The following COMMD1 variants were observed in gnomAD, a reference collection of about 807,000 sequenced individuals.
COMMD1 encodes COMM domain-containing protein 1.
In COMMD1, 10 loss-of-function variants were observed where a neutral mutation model predicts 17.2. The observed-to-expected ratio is 0.58, with a 90% CI of 0.36 to 0.99. The LOEUF (loss-of-function observed/expected upper bound fraction) is 0.99. Among genes scored for constraint, COMMD1 ranks in the 50% least tolerant of loss-of-function variants. COMMD1 has a pLI of 0.01. For synonymous variants in COMMD1, 97 were observed against 91.6 expected, an observed-to-expected ratio of 1.06 and a Z score of -0.34; for missense variants, 270 against 231.8, an observed-to-expected ratio of 1.17 and a Z score of -1.07.
chr2:62,121,371 CAAAAAAAAAAA>C (rs55789110), intron 2 of COMMD1, among the ~76,000 whole-genome samples: 2 of 47,230 alleles, frequency 4.2e-5, no homozygotes, highest in Admixed American at 3.4e-4. Flanking sequence ...GACTCTTTCT[CAAAAAAAAAAA>C]AAAAAAAAAA....
chr2:62,006,150 A>T (rs1311550942), intron 2 of COMMD1, among the ~76,000 whole-genome samples: 1 of 133,928 alleles, frequency 7.5e-6, no homozygotes, highest in Non-Finnish European at 1.6e-5. Flanking sequence ...AACAATGAGA[A>T]CACATGGACA....
chr2:61,982,359 T>C (rs11686279), intron 1 of COMMD1, among the ~76,000 whole-genome samples: 16,729 of 152,226 alleles, frequency 0.11, 2,165 homozygotes, highest in African/African-American at 0.31. Flanking sequence ...GCAACTTTAC[T>C]GAATGTATCA....
intron 1 of COMMD1, among the ~76,000 whole-genome samples, chr2:61,910,809 C>T (rs1331782218): frequency 6.6e-6 from 1 of 152,128 alleles, no homozygotes; most frequent in Non-Finnish European, 1.5e-5. Flanking sequence ...TTAGGCCGGG[C>T]GCCACGGCTC....
intron 2 of COMMD1, among the ~76,000 whole-genome samples, chr2:62,023,732 G>A (rs1157694304): frequency 2.0e-5 from 3 of 152,150 alleles, no homozygotes; most frequent in African/African-American, 7.2e-5. Context: ...TGTTCCGCCC[G>A]CCTTGGCCTC....
intron 1 of COMMD1, among the ~76,000 whole-genome samples, chr2:61,966,250 A>G (rs1671502096): frequency 6.6e-6 from 1 of 152,142 alleles, no homozygotes; most frequent in Non-Finnish European, 1.5e-5. Context: ...AGGCCATTAC[A>G]GCATTCAGTA....
intron 2 of COMMD1, among the ~76,000 whole-genome samples, chr2:62,011,063 G>T (rs1385142787): frequency 6.6e-6 from 1 of 151,976 alleles, no homozygotes; most frequent in Non-Finnish European, 1.5e-5. Context: ...ACTTGCTCTT[G>T]CCTCTTTCTC....
intron 2 of COMMD1, among the ~76,000 whole-genome samples, chr2:62,043,899 C>G (rs770407918): frequency 2.2e-4 from 33 of 152,098 alleles, no homozygotes; most frequent in Non-Finnish European, 4.3e-4. Flanking sequence ...TTTCCTGATG[C>G]TATGTCAGTT....
At chr2:62,068,587 G>T (rs1391877199) in intron 2 of COMMD1, among the ~76,000 whole-genome samples, 1 of 151,042 alleles carries the variant, frequency 6.6e-6, no homozygotes, top group Non-Finnish European at 1.5e-5. Context: ...GGGAAGGAAG[G>T]TGCAGGGGCT....
intron 2 of COMMD1, among the ~76,000 whole-genome samples, chr2:62,041,889 A>T (rs563776586): frequency 3.7e-4 from 56 of 152,336 alleles, no homozygotes; most frequent in Admixed American, 1.6e-3. Context: ...GGCGATGCAG[A>T]CCCAAAGAGT....
chr2:61,889,629 A>G (rs1176407876), intron 1 of COMMD1, among the ~76,000 whole-genome samples: 1 of 151,816 alleles, frequency 6.6e-6, no homozygotes, highest in African/African-American at 2.4e-5. Context: ...CCTGCATTTT[A>G]TGCAGTTTTG....
At chr2:62,008,428 A>G (rs948561788) in intron 2 of COMMD1, among the ~76,000 whole-genome samples, 1 of 152,150 alleles carries the variant, frequency 6.6e-6, no homozygotes, top group Non-Finnish European at 1.5e-5. Context: ...GTGTAAATAC[A>G]TAGAGGGATT....
intron 2 of COMMD1, among the ~76,000 whole-genome samples, chr2:62,116,500 C>T (rs1039205630): frequency 5.3e-5 from 8 of 151,614 alleles, no homozygotes; most frequent in South Asian, 4.2e-4. Flanking sequence ...GGCGAAACCC[C>T]GTCTCTACTA....
intron 2 of COMMD1, among the ~76,000 whole-genome samples, chr2:62,050,826 C>T (rs1188921711): frequency 6.6e-6 from 1 of 152,112 alleles, no homozygotes; most frequent in African/African-American, 2.4e-5. Flanking sequence ...AGTCGAAGAA[C>T]ATGAACTTTT....
chr2:61,980,749 T>A (rs1387563347), intron 1 of COMMD1, among the ~76,000 whole-genome samples: 1 of 151,078 alleles, frequency 6.6e-6, no homozygotes, highest in Non-Finnish European at 1.5e-5. Context: ...AGCTCTTTAG[T>A]TTAATTAGAT....
chr2:62,076,126 G>C (rs1032834826), intron 2 of COMMD1, among the ~76,000 whole-genome samples: 1 of 152,376 alleles, frequency 6.6e-6, no homozygotes, highest in Admixed American at 6.5e-5. Flanking sequence ...CTGCCTGACT[G>C]TGGTACAAAG....
At chr2:62,043,652 T>C (rs1383089460) in intron 2 of COMMD1, among the ~76,000 whole-genome samples, 2 of 152,190 alleles carry the variant, frequency 1.3e-5, no homozygotes, top group African/African-American at 4.8e-5. Flanking sequence ...AACTAATAAC[T>C]CTCCTCTAAA....
intron 2 of COMMD1, among the ~76,000 whole-genome samples, chr2:62,125,014 A>G (rs918002234): frequency 2.0e-5 from 3 of 152,204 alleles, no homozygotes; most frequent in African/African-American, 7.2e-5. Context: ...ATGGGAATGC[A>G]GGCTTTTTAA....
chr2:62,066,710 A>G (rs190740788), intron 2 of COMMD1, among the ~76,000 whole-genome samples: 2 of 147,266 alleles, frequency 1.4e-5, no homozygotes, highest in Non-Finnish European at 3.0e-5. Flanking sequence ...CTAAAGCAAG[A>G]TCAAATGTAT....
intron 1 of COMMD1, among the ~76,000 whole-genome samples, chr2:61,924,562 G>A (rs1301957278): frequency 1.1e-4 from 16 of 152,130 alleles, no homozygotes. Flanking sequence ...AGTCTGGTTT[G>A]GAGCGGGTGA....
Sources: gnomAD v4.1 joint callset for allele counts (sites outside exome capture counted in the v4.1 genomes callset) on GRCh38, gnomAD v4.1.1 for gene constraint, MANE v1.5 for transcripts, NCBI Gene and HGNC (gene_info 2026-07-23, HGNC 2026-07-21) for gene names.